The following USP6NL variants were observed in gnomAD, a reference collection of about 807,000 sequenced individuals.
USP6NL encodes USP6 N-terminal like.
A neutral mutation model predicts 61.9 loss-of-function variants in USP6NL; 26 were observed. The observed-to-expected ratio is 0.42, with a 90% CI of 0.31 to 0.58. The LOEUF (loss-of-function observed/expected upper bound fraction) is 0.58. Ranked by LOEUF, USP6NL falls within the 20% of genes least tolerant of loss-of-function variation. USP6NL has a pLI of 0.16. For synonymous variants in USP6NL, 432 were observed against 390.1 expected (o/e 1.11, Z -1.27); for missense variants, 1,114 against 1,034.3 (o/e 1.08, Z -1.06).
intron 14 of USP6NL, among the ~76,000 whole-genome samples, chr10:11,473,876 G>A (rs11257114): frequency 0.23 from 34,365 of 152,068 alleles, 4,657 homozygotes; most frequent in East Asian, 0.51. Context: ...GATTTCTAAA[G>A]GTAAAAAGTC....
Position 11,481,870 on chromosome 10 carries a change from GGTCT to G in USP6NL, c.974_977del (p.Glu325AlafsTer13), listed in dbSNP as rs1336379421. On this transcript the variant is annotated frameshift_variant, in exon 14 of 15. Coordinates refer to ENST00000609104, the MANE Select transcript of USP6NL (RefSeq NM_014688.5). LOFTEE classifies it high-confidence loss of function. The surrounding 1 kb of genome is among the most constrained non-coding windows in gnomAD (Gnocchi z 4.4). Reference sequence around the variant, plus strand: ...CTTCAAAGAAAAAATCCTTTGCCAGGGTCTCCTGAAAAAATTCTACAAGTTCTTC... The same window carrying G: ...CTTCAAAGAAAAAATCCTTTGCCAGGCCTGAAAAAATTCTACAAGTTCTTC... 1.2e-6 allele frequency: 2 copies of G among 1,611,878 alleles called. No homozygotes were observed.
intron 2 of USP6NL, among the ~76,000 whole-genome samples, chr10:11,581,309 T>C (rs1229012880): frequency 1.3e-5 from 2 of 152,228 alleles, no homozygotes; most frequent in African/African-American, 4.8e-5. Context: ...GCATATTCTT[T>C]TGGAACTAAC....
chr10:11,493,323 T>C (rs1053115267), intron 7 of USP6NL, 95 bp from the exon 8 acceptor site: 18 of 1,083,484 alleles, frequency 1.7e-5, no homozygotes, highest in Non-Finnish European at 2.4e-5. Context: ...AAGTTTTTGG[T>C]TTAAAAAAAT....
intron 5 of USP6NL, among the ~76,000 whole-genome samples, chr10:11,514,319 G>GGGGCGC (rs1266109166): frequency 6.6e-6 from 1 of 151,810 alleles, no homozygotes; most frequent in Admixed American, 6.6e-5. Flanking sequence ...AATCAATTAT[G>GGGGCGC]ACTGTGATGG....
At chr10:11,566,231 A>T (rs1238093780) in intron 2 of USP6NL, among the ~76,000 whole-genome samples, 1 of 152,236 alleles carries the variant, frequency 6.6e-6, no homozygotes, top group African/African-American at 2.4e-5. Context: ...ACATGAGTCT[A>T]AACTGTGGTA....
Position 11,575,903 on chromosome 10 carries a change from G to T in USP6NL, c.4+21728C>A, listed in dbSNP as rs912510423. Among the ~76,000 whole-genome samples the T allele has an allele frequency of 6.6e-6, 1 of 152,106 alleles. No individual in the cohort carries two copies. Among genetic ancestry groups the T allele is most frequent in the African/African-American group, 2.4e-5 (1 of 41,418 alleles). On this transcript the variant is annotated intron_variant, in intron 2 of 14. Coordinates refer to ENST00000609104, the MANE Select transcript of USP6NL (RefSeq NM_014688.5). This position sits in a 1 kb window ranked among gnomAD's most constrained non-coding sequence, Gnocchi z 4.2. ...CCAGATTAGATAGTAGGCCAAAAAG[G>T]GTGAGGGGAAATACGGGACATTTTG...
intron 2 of USP6NL, among the ~76,000 whole-genome samples, chr10:11,573,139 T>C (rs1837421466): frequency 6.6e-6 from 1 of 152,182 alleles, no homozygotes; most frequent in South Asian, 2.1e-4. Flanking sequence ...TAAATTCATA[T>C]TTATAACTAT....
intron 2 of USP6NL, among the ~76,000 whole-genome samples, chr10:11,550,580 A>C: frequency 6.6e-6 from 1 of 151,980 alleles, no homozygotes. Context: ...ACATGGTGAA[A>C]CCCTATCTCT....
chr10:11,473,894 T>C (rs1832861521), intron 14 of USP6NL, among the ~76,000 whole-genome samples: 1 of 152,128 alleles, frequency 6.6e-6, no homozygotes, highest in Non-Finnish European at 1.5e-5. Context: ...GTCAAGATCT[T>C]CTGGGTGGAA....
rs529294837 is a variant in USP6NL, at chr10:11,482,092, T to G, written c.926-170A>C. On this transcript the variant is annotated intron_variant, in intron 13 of 14. Transcript: ENST00000609104. The surrounding 1 kb of genome is among the most constrained non-coding windows in gnomAD (Gnocchi z 4.0). Reference sequence around the variant, plus strand: ...TTAAAACTCAGTAAGACAAAAATATTGCCTGATATTAAAGCAGCCACAGAG... The same window carrying G: ...TTAAAACTCAGTAAGACAAAAATATGGCCTGATATTAAAGCAGCCACAGAG... 1.2e-4 allele frequency among the ~76,000 whole-genome samples: 18 copies of G among 152,272 alleles called. No homozygotes were observed. Among genetic ancestry groups the G allele is most frequent in the African/African-American group, 4.3e-4 (18 of 41,556 alleles).
At chr10:11,521,108 G>A (rs962377206) in intron 4 of USP6NL, among the ~76,000 whole-genome samples, 2 of 152,046 alleles carry the variant, frequency 1.3e-5, no homozygotes, top group African/African-American at 4.8e-5. Context: ...CAGCTAGGTG[G>A]AGTATTTATG....
chr10:11,607,300 A>C (rs1389156032), intron 1 of USP6NL, among the ~76,000 whole-genome samples: 4 of 152,214 alleles, frequency 2.6e-5, no homozygotes, highest in Non-Finnish European at 5.9e-5. Flanking sequence ...CAGATATGCC[A>C]ATGGACATTA....
At chr10:11,527,862 A>C (rs1835482564) in intron 2 of USP6NL, among the ~76,000 whole-genome samples, 2 of 152,204 alleles carry the variant, frequency 1.3e-5, no homozygotes, top group Admixed American at 1.3e-4. Context: ...GTTAAGTAGA[A>C]ACTGAAACTG....
rs1175043881 is a variant in USP6NL at position 11,470,416 on chromosome 10, G to C, written c.1079-6567C>G. On this transcript the variant is annotated intron_variant, in intron 14 of 14. Transcript: ENST00000609104. This position sits in a 1 kb window ranked among gnomAD's most constrained non-coding sequence, Gnocchi z 5.4. ...GGAAAATCTCCTTGACTTCATTACAGAGGCGGTTCCTTTCTAGAGATTAAT... is the reference window on the plus strand; with the variant it reads ...GGAAAATCTCCTTGACTTCATTACACAGGCGGTTCCTTTCTAGAGATTAAT... Among the ~76,000 whole-genome samples, 1 of 152,218 alleles carries C rather than the reference G, an allele frequency of 6.6e-6. No individual in the cohort carries two copies. Among genetic ancestry groups the C allele is most frequent in the Non-Finnish European group, 1.5e-5 (1 of 68,038 alleles).
At position 11,463,802 on chromosome 10, in the gene USP6NL, C is replaced by T. The variant is rs750754502; in HGVS notation, c.1126G>A (p.Glu376Lys). The T allele has an allele frequency of 2.7e-6, 4 of 1,488,634 alleles. No individual in the cohort carries two copies. Among genetic ancestry groups the T allele is most frequent in the Non-Finnish European group, 2.7e-6 (3 of 1,120,434 alleles). 92.2% of individuals were successfully genotyped at this position (1,488,634 alleles called of 1,614,324 possible). The change falls in exon 15 of 15, where the codon GAA (glutamate) becomes AAA (lysine). Residue 376 changes from glutamate (E) to lysine (K), a missense_variant. Coordinates refer to ENST00000609104, the MANE Select transcript of USP6NL (RefSeq NM_014688.5). The surrounding 1 kb of genome is among the most constrained non-coding windows in gnomAD (Gnocchi z 6.3). Reference protein sequence around the residue: ...PKKPLGQLPPELQSWGVHHLS... With the variant: ...PKKPLGQLPPKLQSWGVHHLS... ...TGATGGACGCCCCAAGACTGAAGTTCAGGTGGAAGCTGCCCCAAGGGCTTC... is the reference window on the plus strand; with the variant it reads ...TGATGGACGCCCCAAGACTGAAGTTTAGGTGGAAGCTGCCCCAAGGGCTTC...
chr10:11,569,734 A>G (rs954684802), intron 2 of USP6NL, among the ~76,000 whole-genome samples: 1 of 152,244 alleles, frequency 6.6e-6, no homozygotes, highest in Non-Finnish European at 1.5e-5. Flanking sequence ...GGAGAGATTC[A>G]GTGATACAGC....
In USP6NL at chr10:11,495,421, T is replaced by C. The variant is rs192567787; in HGVS notation, c.385-2193A>G. Among the ~76,000 whole-genome samples, 1 of 152,328 alleles carries C rather than the reference T, an allele frequency of 6.6e-6. No individual in the cohort carries two copies. Among genetic ancestry groups the C allele is most frequent in the Admixed American group, 6.5e-5 (1 of 15,304 alleles). Reference sequence around the variant, plus strand: ...TCTCTTGCCTCAGCACCTGGATGGCTTGCCGCCCACACCCTCCCTCCATTC... The same window carrying C: ...TCTCTTGCCTCAGCACCTGGATGGCCTGCCGCCCACACCCTCCCTCCATTC... On this transcript the variant is annotated intron_variant, in intron 7 of 14. Coordinates refer to ENST00000609104, the MANE Select transcript of USP6NL (RefSeq NM_014688.5). This position sits in a 1 kb window ranked among gnomAD's most constrained non-coding sequence, Gnocchi z 4.6.
chr10:11,524,081 A>C (rs903912916), intron 4 of USP6NL, among the ~76,000 whole-genome samples: 5 of 152,196 alleles, frequency 3.3e-5, no homozygotes, highest in African/African-American at 1.2e-4. Context: ...TAGGGGTGGA[A>C]GTTTAATTTA....
intron 2 of USP6NL, among the ~76,000 whole-genome samples, chr10:11,565,865 T>G (rs1837130905): frequency 6.6e-6 from 1 of 152,130 alleles, no homozygotes; most frequent in Non-Finnish European, 1.5e-5. Flanking sequence ...TACTTCAGAT[T>G]ACTTGAACAA....
Sources: gnomAD v4.1 joint callset for allele counts (sites outside exome capture counted in the v4.1 genomes callset) on GRCh38, gnomAD v4.1.1 for gene constraint, Gnocchi (gnomAD v3.1) non-coding constraint, MANE v1.5 for transcripts, NCBI Gene and HGNC (gene_info 2026-07-23, HGNC 2026-07-21) for gene names.